Variants in MRPL22 observed in about 807,000 individuals in gnomAD.
MRPL22 encodes large ribosomal subunit protein uL22m.
A neutral mutation model predicts 32.4 loss-of-function variants in MRPL22; 27 were observed. The observed-to-expected ratio is 0.83, with a 90% confidence interval of 0.61 to 1.15. The LOEUF (loss-of-function observed/expected upper bound fraction) is 1.15. Among genes scored for constraint, MRPL22 ranks in the 50% most tolerant of loss-of-function variants. MRPL22 has a pLI of 0.00. For missense variants in MRPL22, 239 were observed against 260.2 expected (o/e 0.92, Z 0.56); for synonymous variants, 86 against 87.3 (o/e 0.99, Z 0.08).
chr5:154,943,651 C>CAT (rs1175496071), intron 2 of MRPL22, among the ~76,000 whole-genome samples: 1 of 147,650 alleles, frequency 6.8e-6, no homozygotes, highest in East Asian at 1.9e-4. Flanking sequence ...CATGTATATA[C>CAT]ACACACATAT....
At position 154,941,091 on chromosome 5, in the gene MRPL22, C is replaced by G; in HGVS notation, c.-20C>G. On this transcript the variant is annotated 5_prime_UTR_variant, in exon 1 of 7. Coordinates refer to ENST00000523037, the MANE Select transcript of MRPL22 (RefSeq NM_014180.4). ...AGAAGGCGCTTGAACTCGGCGGCTTCCGTAGCGGGAGGGCGAAAGATGGCG... is the reference window on the plus strand; with the variant it reads ...AGAAGGCGCTTGAACTCGGCGGCTTGCGTAGCGGGAGGGCGAAAGATGGCG... 10 of 1,613,474 alleles carry G rather than the reference C, an allele frequency of 6.2e-6. No individual in the cohort carries two copies. The highest frequency in any genetic ancestry group is 8.5e-6 in the Non-Finnish European group (10 of 1,179,982).
chr5:154,943,726 G>C (rs1049129029), intron 2 of MRPL22, among the ~76,000 whole-genome samples: 1 of 151,388 alleles, frequency 6.6e-6, no homozygotes, highest in Non-Finnish European at 1.5e-5. Context: ...CCAGGCTGGA[G>C]TGCGGTATCA....
intron 2 of MRPL22, among the ~76,000 whole-genome samples, chr5:154,946,114 TG>T (rs138439981): frequency 0.017 from 2,534 of 152,260 alleles, 28 homozygotes; most frequent in East Asian, 0.032. Context: ...AAATATGTAT[TG>T]AAGATTTGAA....
chr5:154,959,194 A>G (rs1764670233), intron 5 of MRPL22: 2 of 152,184 alleles, frequency 1.3e-5, no homozygotes, highest in Admixed American at 1.3e-4. Flanking sequence ...CACCACGTCC[A>G]GCAAATTTTT....
At position 154,968,886 on chromosome 5, in the gene MRPL22, C is replaced by T. The variant is rs375683458; in HGVS notation, c.*1989C>T. On this transcript the variant is annotated 3_prime_UTR_variant, in exon 7 of 7. Coordinates refer to ENST00000523037, the MANE Select transcript of MRPL22 (RefSeq NM_014180.4). Reference sequence around the variant, plus strand: ...TTAAGCCTTCATTTGGAACTGCTTCCAGTACGTTACAAAAAGTAATAATAG... The same window carrying T: ...TTAAGCCTTCATTTGGAACTGCTTCTAGTACGTTACAAAAAGTAATAATAG... 1.2e-4 allele frequency: 18 copies of T among 152,306 alleles called. No individual in the cohort carries two copies. The highest frequency in any genetic ancestry group is 3.4e-4 in the African/African-American group (14 of 41,560). 9.4% of individuals were successfully genotyped at this position (152,306 alleles called of 1,614,324 possible). A position where few individuals can be genotyped will look rare whatever the true frequency, so the allele number is the denominator to read the frequency against.
At position 154,967,112 on chromosome 5, in the gene MRPL22, T is replaced by C. The variant is rs1764780715; in HGVS notation, c.*215T>C. 5.1e-6 allele frequency: 3 copies of C among 583,348 alleles called. No individual in the cohort carries two copies. Among genetic ancestry groups the C allele is most frequent in the Non-Finnish European group, 8.9e-6 (3 of 335,972 alleles). The allele number at this position is 583,348 out of a possible 1,614,324, so 36.1% of individuals were successfully genotyped here. Reference sequence around the variant, plus strand: ...TTGCGACTTGGAAGGGGAAATCAGCTTTAAACATAGTAACAGACTATATTT... The same window carrying C: ...TTGCGACTTGGAAGGGGAAATCAGCCTTAAACATAGTAACAGACTATATTT... On this transcript the variant is annotated 3_prime_UTR_variant, in exon 7 of 7. Coordinates refer to ENST00000523037, the MANE Select transcript of MRPL22 (RefSeq NM_014180.4). The surrounding 1 kb of genome is among the most constrained non-coding windows in gnomAD (Gnocchi z 4.7).
At chr5:154,963,413 T>A (rs1764728676) in intron 6 of MRPL22, among the ~76,000 whole-genome samples, 1 of 152,220 alleles carries the variant, frequency 6.6e-6, no homozygotes, top group South Asian at 2.1e-4. Context: ...ATCTTTTGTG[T>A]CATTTTAAAA....
intron 2 of MRPL22, among the ~76,000 whole-genome samples, chr5:154,948,131 C>A (rs950855140): frequency 2.6e-5 from 4 of 152,160 alleles, no homozygotes; most frequent in African/African-American, 9.7e-5. Flanking sequence ...CAAAAGTAGA[C>A]AGTTTGATGA....
chr5:154,961,434 T>G (rs1005054420), intron 6 of MRPL22, among the ~76,000 whole-genome samples: 1 of 152,234 alleles, frequency 6.6e-6, no homozygotes. Flanking sequence ...TCAAATTTAA[T>G]TAATTTTATG....
intron 3 of MRPL22, among the ~76,000 whole-genome samples, chr5:154,951,655 G>A (rs557324512): frequency 5.9e-5 from 9 of 152,048 alleles, no homozygotes; most frequent in African/African-American, 1.9e-4. Flanking sequence ...TTCTGCCTGA[G>A]CCTCCGGAGT....
At chr5:154,952,499 A>G (rs1764576796) in intron 3 of MRPL22, among the ~76,000 whole-genome samples, 1 of 152,184 alleles carries the variant, frequency 6.6e-6, no homozygotes, top group Non-Finnish European at 1.5e-5. Context: ...GATTTGATAT[A>G]GGTACTTTGG....
chr5:154,944,177 C>G (rs898237962), intron 2 of MRPL22, among the ~76,000 whole-genome samples: 8 of 152,096 alleles, frequency 5.3e-5, no homozygotes, highest in Admixed American at 5.2e-4. Flanking sequence ...AAGCTGGTCT[C>G]AAACTCCTAG....
At chr5:154,962,999 T>A (rs1764723835) in intron 6 of MRPL22, among the ~76,000 whole-genome samples, 1 of 152,230 alleles carries the variant, frequency 6.6e-6, no homozygotes, top group Admixed American at 6.5e-5. Flanking sequence ...AGTGTAGTGG[T>A]GCGATCTCAG....
In MRPL22 at chr5:154,957,180, A is replaced by G; in HGVS notation, c.307A>G (p.Asn103Asp). ...IDQALAQLEFNDKKGAKIIKE... is the reference protein window; with the variant it reads ...IDQALAQLEFDDKKGAKIIKE... The stretch of plus-strand genomic sequence containing the variant: ...CCAGGCTTTGGCTCAGTTGGAATTC[A>G]ATGACAAAAAAGGGGCCAAAATAAT... The change falls in exon 5 of 7, where the codon AAT becomes GAT. Residue 103 changes from asparagine (N) to aspartate (D), a missense_variant. Physicochemically the swap from Asn to Asp is conservative, Grantham distance 23 (BLOSUM62 1). Coordinates refer to ENST00000523037, the MANE Select transcript of MRPL22 (RefSeq NM_014180.4). 1 of 1,613,806 alleles carries G rather than the reference A, an allele frequency of 6.2e-7. No homozygotes were observed. Among genetic ancestry groups the G allele is most frequent in the Non-Finnish European group, 8.5e-7 (1 of 1,179,714 alleles).
intron 3 of MRPL22, among the ~76,000 whole-genome samples, chr5:154,953,050 T>C (rs983926998): frequency 6.6e-6 from 1 of 152,162 alleles, no homozygotes; most frequent in African/African-American, 2.4e-5. Flanking sequence ...TTTTATCTTA[T>C]ATGGGGCTTC....
At chr5:154,949,383 T>C (rs1022906483) in intron 2 of MRPL22, among the ~76,000 whole-genome samples, 2 of 152,206 alleles carry the variant, frequency 1.3e-5, no homozygotes, top group African/African-American at 4.8e-5. Context: ...CTTATTTCAA[T>C]AGACGTTTTT....
chr5:154,945,387 G>C (rs1764476028), intron 2 of MRPL22, among the ~76,000 whole-genome samples: 1 of 152,206 alleles, frequency 6.6e-6, no homozygotes, highest in African/African-American at 2.4e-5. Flanking sequence ...AGAGGAGCAG[G>C]TTTGGGGAGA....
chr5:154,961,746 G>A (rs575080436), intron 6 of MRPL22, among the ~76,000 whole-genome samples: 32 of 152,232 alleles, frequency 2.1e-4, no homozygotes, highest in African/African-American at 7.5e-4. Flanking sequence ...GAGTGCAGTG[G>A]TGTGATCACA....
At chr5:154,960,217 G>A (rs1192904711) in intron 6 of MRPL22, among the ~76,000 whole-genome samples, 168 bp downstream of exon 6, 1 of 152,098 alleles carries the variant, frequency 6.6e-6, no homozygotes, top group Admixed American at 6.6e-5. Flanking sequence ...TTAATTTAGT[G>A]TAAATGACAA....
Sources: allele counts gnomAD v4.1 joint callset (sites outside exome capture counted in the v4.1 genomes callset), GRCh38; gene constraint gnomAD v4.1.1; non-coding constraint Gnocchi (gnomAD v3.1); transcripts MANE v1.5; gene names NCBI Gene and HGNC (gene_info 2026-07-23, HGNC 2026-07-21).